Variants in CERS6 observed in about 807,000 individuals in gnomAD.
The protein encoded by CERS6 is ceramide synthase 6, also known as LAG1 homolog, ceramide synthase 6.
Under a neutral mutation model 56.8 loss-of-function variants are expected in CERS6, and 26 were observed. The observed-to-expected ratio is 0.46, with a 90% CI of 0.34 to 0.63. CERS6 has a LOEUF of 0.63. Among genes scored for constraint, CERS6 ranks in the 30% least tolerant of loss-of-function variants. The probability of loss-of-function intolerance (pLI) is 0.01; values close to 1 mark genes in which losing one functional copy is unlikely to be tolerated. For missense variants in CERS6, 415 were observed against 467.5 expected (o/e 0.89, Z 1.04); for synonymous variants, 164 against 173.3 (o/e 0.95, Z 0.42).
intron 3 of CERS6, among the ~76,000 whole-genome samples, chr2:168,613,445 T>C (rs1271982809): frequency 6.6e-6 from 1 of 152,160 alleles, no homozygotes; most frequent in Non-Finnish European, 1.5e-5. Context: ...AGCAGAGGGT[T>C]GGGACAGAAA....
chr2:168,641,270 C>T (rs1197938062), intron 4 of CERS6, among the ~76,000 whole-genome samples: 1 of 144,784 alleles, frequency 6.9e-6, no homozygotes, highest in African/African-American at 2.6e-5. Context: ...TTTTTTTAGA[C>T]GTGTCTTTCA....
intron 8 of CERS6, among the ~76,000 whole-genome samples, chr2:168,720,498 T>C (rs1261826026): frequency 6.6e-6 from 1 of 152,178 alleles, no homozygotes; most frequent in Non-Finnish European, 1.5e-5. Context: ...TTAAGTCTGC[T>C]GTTTGCTGCG....
intron 8 of CERS6, among the ~76,000 whole-genome samples, chr2:168,727,121 C>T (rs765087977): frequency 1.3e-4 from 20 of 152,168 alleles, no homozygotes; most frequent in African/African-American, 1.7e-4. Flanking sequence ...GAGTCAAATA[C>T]GTACCTTTAC....
At chr2:168,726,102 A>G (rs537497597) in intron 8 of CERS6, among the ~76,000 whole-genome samples, 1 of 152,350 alleles carries the variant, frequency 6.6e-6, no homozygotes, top group Admixed American at 6.5e-5. Flanking sequence ...GCTACTCAGT[A>G]TTTGTTAAGT....
chr2:168,513,684 C>T (rs566172044), intron 1 of CERS6, among the ~76,000 whole-genome samples: 3 of 152,180 alleles, frequency 2.0e-5, no homozygotes, highest in Non-Finnish European at 1.5e-5. Flanking sequence ...TTTCTCTGCT[C>T]GAAAGTTAGC....
chr2:168,629,746 T>C (rs1451018495), intron 3 of CERS6, among the ~76,000 whole-genome samples: 1 of 152,146 alleles, frequency 6.6e-6, no homozygotes, highest in Non-Finnish European at 1.5e-5. Flanking sequence ...AAACAGAAAC[T>C]TGTTATCACT....
chr2:168,637,478 G>A (rs187222267), intron 4 of CERS6, among the ~76,000 whole-genome samples: 189 of 151,984 alleles, frequency 1.2e-3, no homozygotes, highest in African/African-American at 3.9e-3. Context: ...GTGAGACGCC[G>A]TCTAAAAAAA....
intron 3 of CERS6, among the ~76,000 whole-genome samples, chr2:168,623,221 G>T (rs896697899): frequency 6.6e-6 from 1 of 152,144 alleles, no homozygotes; most frequent in African/African-American, 2.4e-5. Flanking sequence ...TGAACTCATG[G>T]AAACAGTAGA....
intron 8 of CERS6, among the ~76,000 whole-genome samples, chr2:168,743,182 ATGTG>A (rs969511942): frequency 2.0e-5 from 3 of 148,804 alleles, no homozygotes; most frequent in Non-Finnish European, 3.0e-5. Flanking sequence ...GTGTGTGTGT[ATGTG>A]TGTGTGTATA....
chr2:168,618,351 T>C (rs1425989628), intron 3 of CERS6, among the ~76,000 whole-genome samples: 1 of 152,172 alleles, frequency 6.6e-6, no homozygotes, highest in East Asian at 1.9e-4. Flanking sequence ...TCACCACTTC[T>C]CTTCAACATA....
intron 8 of CERS6, among the ~76,000 whole-genome samples, chr2:168,740,900 G>C (rs1330877010): frequency 6.6e-6 from 1 of 152,188 alleles, no homozygotes; most frequent in Non-Finnish European, 1.5e-5. Flanking sequence ...GTAGAGTGGT[G>C]GTAGTGGTGG....
chr2:168,643,374 G>C (rs1239386871), intron 4 of CERS6, among the ~76,000 whole-genome samples: 1 of 152,122 alleles, frequency 6.6e-6, no homozygotes, highest in Non-Finnish European at 1.5e-5. Context: ...GGTGGGGCTA[G>C]GCAGGAAAAT....
chr2:168,492,833 A>T (rs1438396613), intron 1 of CERS6, among the ~76,000 whole-genome samples: 1 of 152,182 alleles, frequency 6.6e-6, no homozygotes, highest in Non-Finnish European at 1.5e-5. Flanking sequence ...TTGTCCTGTC[A>T]CAGTAACTTT....
chr2:168,670,967 C>CCA (rs1491201957), intron 4 of CERS6, among the ~76,000 whole-genome samples: 2 of 10,626 alleles, frequency 1.9e-4, no homozygotes, highest in Non-Finnish European at 8.9e-4. Flanking sequence ...ATACATGCTT[C>CCA]CCCCCCCCCC....
In CERS6 at chr2:168,758,653, G is replaced by A. The variant is rs143472526; in HGVS notation, c.846-6939G>A. Among the ~76,000 whole-genome samples the A allele has an allele frequency of 1.4e-4, 22 of 152,276 alleles. No homozygotes were observed. The East Asian group carries it at 4.3e-3, about 29-fold the overall frequency. ...ATGTGCTGCTGCCTATATGTCACTG[G>A]AGTATTTAAGATGTACAGGTCTGAA... On this transcript the variant is annotated intron_variant, in intron 8 of 9. Transcript: ENST00000305747.
chr2:168,752,715 T>C (rs1684310150), intron 8 of CERS6, among the ~76,000 whole-genome samples: 1 of 152,214 alleles, frequency 6.6e-6, no homozygotes, highest in African/African-American at 2.4e-5. Flanking sequence ...AAAGCTGAGG[T>C]TCTGCACACC....
intron 3 of CERS6, among the ~76,000 whole-genome samples, chr2:168,597,433 T>A (rs752024647): frequency 1.3e-5 from 2 of 152,208 alleles, no homozygotes; most frequent in Non-Finnish European, 2.9e-5. Flanking sequence ...GTAATGAATC[T>A]GTCGGATGAC....
intron 1 of CERS6, among the ~76,000 whole-genome samples, chr2:168,492,545 T>A (rs1402702878): frequency 6.6e-6 from 1 of 152,168 alleles, no homozygotes; most frequent in Non-Finnish European, 1.5e-5. Context: ...TTGCAAAAAT[T>A]TTCTCCCATT....
rs144202738 is a variant in CERS6, at chr2:168,703,853, A to C, written c.609+8802A>C. 4.6e-4 allele frequency among the ~76,000 whole-genome samples: 70 copies of C among 152,254 alleles called. 1 individual carries two copies. Among genetic ancestry groups the C allele is most frequent in the African/African-American group, 1.6e-3 (67 of 41,558 alleles). On this transcript the variant is annotated intron_variant, in intron 6 of 9. Coordinates refer to ENST00000305747, the MANE Select transcript of CERS6 (RefSeq NM_203463.3). Reference sequence around the variant, plus strand: ...TGAAGTTCAGTTTCCTCTGAGGTAGATATTCCCAATCTTAGGCCTGTGTCC... The same window carrying C: ...TGAAGTTCAGTTTCCTCTGAGGTAGCTATTCCCAATCTTAGGCCTGTGTCC...
Sources: allele counts gnomAD v4.1 joint callset (sites outside exome capture counted in the v4.1 genomes callset), GRCh38; gene constraint gnomAD v4.1.1; transcripts MANE v1.5; gene names NCBI Gene and HGNC (gene_info 2026-07-23, HGNC 2026-07-21).